IGSF5: variants seen among roughly 807,000 people sequenced by gnomAD.
IGSF5 encodes the protein immunoglobulin superfamily member 5.
Under a neutral mutation model 39.4 loss-of-function variants are expected in IGSF5, and 41 were observed. That is an observed-to-expected ratio of 1.04 (90% CI 0.81 to 1.35). IGSF5 has a LOEUF of 1.35. Among genes scored for constraint, IGSF5 ranks in the 40% most tolerant of loss-of-function variants. The pLI, the probability that IGSF5 is intolerant of heterozygous loss-of-function variation, is 0.00. For missense variants in IGSF5, 487 were observed against 494.6 expected, an observed-to-expected ratio of 0.98 and a Z score of 0.15; for synonymous variants, 183 against 175.3, an observed-to-expected ratio of 1.04 and a Z score of -0.34.
chr21:39,793,049 C>G (rs996816548), intron 7 of IGSF5, among the ~76,000 whole-genome samples: 5 of 152,058 alleles, frequency 3.3e-5, no homozygotes, highest in Admixed American at 6.6e-5. Context: ...CATGTGTATT[C>G]CAGATTGCAT....
chr21:39,764,860 A>G (rs2080078084), intron 2 of IGSF5, among the ~76,000 whole-genome samples: 1 of 152,160 alleles, frequency 6.6e-6, no homozygotes, highest in Admixed American at 6.5e-5. Flanking sequence ...TAAACTCTGA[A>G]TGACATCAGA....
the IGSF5 span, among the ~76,000 whole-genome samples, chr21:39,731,281 G>A: frequency 7.9e-5 from 12 of 152,122 alleles, no homozygotes; most frequent in South Asian, 2.1e-4. Context: ...TCGGTTTATC[G>A]CAGTTTGTTT....
At chr21:39,715,578 TCATC>T in the IGSF5 span, among the ~76,000 whole-genome samples, 2 of 152,236 alleles carry the variant, frequency 1.3e-5, no homozygotes, top group African/African-American at 4.8e-5. Flanking sequence ...CTTCATTCCT[TCATC>T]CATTTATTTT....
At chr21:39,716,319 T>C in the IGSF5 span, among the ~76,000 whole-genome samples, 2 of 152,214 alleles carry the variant, frequency 1.3e-5, no homozygotes, top group African/African-American at 4.8e-5. Context: ...CTAGCCACTC[T>C]AAAAACGAGA....
chr21:39,794,070 G>A (rs1431520668), intron 8 of IGSF5, among the ~76,000 whole-genome samples: 3 of 152,186 alleles, frequency 2.0e-5, no homozygotes, highest in Non-Finnish European at 4.4e-5. Context: ...TTGAGGATCA[G>A]GACAGAGAAA....
At chr21:39,771,337 G>T in intron 4 of IGSF5, 122 bp downstream of exon 4, 2 of 818,542 alleles carry the variant, frequency 2.4e-6, no homozygotes, top group South Asian at 2.9e-5. Context: ...TTTTGGGTGG[G>T]GATGATAAGG....
intron 2 of IGSF5, among the ~76,000 whole-genome samples, chr21:39,760,260 C>T (rs548613356): frequency 6.6e-6 from 1 of 152,270 alleles, no homozygotes; most frequent in African/African-American, 2.4e-5. Context: ...TGGATCACTT[C>T]TTTGTAGGCA....
chr21:39,723,221 A>G, the IGSF5 span, among the ~76,000 whole-genome samples: 1 of 152,168 alleles, frequency 6.6e-6, no homozygotes, highest in Non-Finnish European at 1.5e-5. Context: ...TGAAGCTCAC[A>G]TGGCTATTGG....
intron 2 of IGSF5, chr21:39,751,258 G>A (rs1222814154): frequency 6.6e-6 from 1 of 152,216 alleles, no homozygotes; most frequent in African/African-American, 2.4e-5. Flanking sequence ...GAGAGGACAA[G>A]AGCCACGAAG....
At chr21:39,736,288 G>C in the IGSF5 span, among the ~76,000 whole-genome samples, 1 of 151,960 alleles carries the variant, frequency 6.6e-6, no homozygotes. Context: ...GTTCCTTCAG[G>C]GCCTTGACTG....
chr21:39,792,023 G>A lies in IGSF5; in HGVS notation c.972G>A (p.Glu324=). The A allele has an allele frequency of 1.2e-6, 2 of 1,607,924 alleles. No individual in the cohort carries two copies. The highest frequency in any genetic ancestry group is 1.7e-6 in the Non-Finnish European group (2 of 1,176,636). The change falls in exon 7 of 9, where the codon GAG becomes GAA. Residue 324 remains glutamate, a synonymous_variant. Coordinates refer to ENST00000380588, the MANE Select transcript of IGSF5 (RefSeq NM_001080444.2). The stretch of plus-strand genomic sequence containing the variant: ...CTAATTGTAGGAAATCTGAAAAAGA[G>A]AAGACAAACAAAGAAACTGAGACAG... ...RIQFQKKSEK[E]KTNKETETES...
chr21:39,750,574 C>T (rs539845582), intron 2 of IGSF5, among the ~76,000 whole-genome samples: 72 of 151,292 alleles, frequency 4.8e-4, no homozygotes, highest in Non-Finnish European at 8.8e-4. Flanking sequence ...CACAGTCTTC[C>T]AGAACTGTCA....
At chr21:39,716,457 C>T in the IGSF5 span, among the ~76,000 whole-genome samples, 27 of 152,052 alleles carry the variant, frequency 1.8e-4, no homozygotes, top group African/African-American at 5.8e-4. Flanking sequence ...ATATTAAGCC[C>T]AGTACCCAAT....
chr21:39,762,249 C>T (rs911466204), intron 2 of IGSF5, among the ~76,000 whole-genome samples: 18 of 152,082 alleles, frequency 1.2e-4, no homozygotes, highest in African/African-American at 3.1e-4. Context: ...GCCAATGGTG[C>T]GTGACAAAGC....
intron 8 of IGSF5, among the ~76,000 whole-genome samples, chr21:39,793,818 G>C (rs539099956): frequency 1.3e-5 from 2 of 152,328 alleles, no homozygotes; most frequent in East Asian, 3.9e-4. Context: ...GTTGCTCTAA[G>C]ATCAAGGCTG....
chr21:39,751,408 C>G (rs186103994), intron 2 of IGSF5: 1 of 152,234 alleles, frequency 6.6e-6, no homozygotes, highest in Non-Finnish European at 1.5e-5. Flanking sequence ...CCTCAAGCCC[C>G]GCACAGGCCG....
chr21:39,715,256 T>G, the IGSF5 span, among the ~76,000 whole-genome samples: 2 of 152,148 alleles, frequency 1.3e-5, no homozygotes, highest in African/African-American at 4.8e-5. Context: ...TAGCTGGGAC[T>G]ACAGGTGCAT....
intron 4 of IGSF5, among the ~76,000 whole-genome samples, chr21:39,776,400 G>T (rs2080141147): frequency 6.6e-6 from 1 of 152,088 alleles, no homozygotes; most frequent in African/African-American, 2.4e-5. Context: ...CCTTCCAATG[G>T]AGCATGGTCA....
intron 8 of IGSF5, among the ~76,000 whole-genome samples, chr21:39,794,933 T>G (rs1412110790): frequency 1.3e-5 from 2 of 152,122 alleles, no homozygotes; most frequent in South Asian, 2.1e-4. Context: ...TTGCCAGTGA[T>G]GTGTGTTTTT....
Sources: allele counts gnomAD v4.1 joint callset (sites outside exome capture counted in the v4.1 genomes callset), GRCh38; gene constraint gnomAD v4.1.1; transcripts MANE v1.5; gene names NCBI Gene and HGNC (gene_info 2026-07-23, HGNC 2026-07-21).